The following DNAH11 variants were observed in gnomAD, a reference collection of about 807,000 sequenced individuals.
The protein encoded by DNAH11 is dynein axonemal heavy chain 11, also known as axonemal beta dynein heavy chain 11.
In DNAH11, 442 loss-of-function variants were observed where a neutral mutation model predicts 526.0. That is an observed-to-expected ratio of 0.84 (90% CI 0.78 to 0.91). DNAH11 has a LOEUF of 0.91. Ranked by LOEUF, DNAH11 falls within the 40% of genes least tolerant of loss-of-function variation. The pLI, the probability that DNAH11 is intolerant of heterozygous loss-of-function variation, is 0.00. For synonymous variants in DNAH11, 2,461 were observed against 1,935.9 expected (o/e 1.27, Z -7.12); for missense variants, 6,989 against 5,448.7 (o/e 1.28, Z -8.90).
intron 61 of DNAH11, among the ~76,000 whole-genome samples, chr7:21,793,138 A>T (rs1788548393): frequency 6.6e-6 from 1 of 152,236 alleles, no homozygotes; most frequent in Non-Finnish European, 1.5e-5. Context: ...CCAACTGATT[A>T]GGAACATGTT....
At chr7:21,840,076 G>A (rs1358572928) in intron 65 of DNAH11, among the ~76,000 whole-genome samples, 1 of 152,142 alleles carries the variant, frequency 6.6e-6, no homozygotes, top group African/African-American at 2.4e-5. Flanking sequence ...AGACACAAGA[G>A]ACCTAATCTC....
At chr7:21,581,359 A>C (rs1206017994) in intron 8 of DNAH11, among the ~76,000 whole-genome samples, 2 of 152,326 alleles carry the variant, frequency 1.3e-5, no homozygotes, top group East Asian at 3.9e-4. Flanking sequence ...AAACTGGGAA[A>C]ACGTAAGAGT....
chr7:21,667,986 G>T (rs1486683738), intron 30 of DNAH11, among the ~76,000 whole-genome samples: 2 of 152,094 alleles, frequency 1.3e-5, no homozygotes, highest in Non-Finnish European at 2.9e-5. Context: ...CATGGGAAAG[G>T]TAAACACCAT....
intron 9 of DNAH11, among the ~76,000 whole-genome samples, chr7:21,584,050 C>T (rs1209448422): frequency 6.6e-6 from 1 of 152,192 alleles, no homozygotes; most frequent in African/African-American, 2.4e-5. Flanking sequence ...ACCAGAAATA[C>T]CATTTGACCT....
chr7:21,887,214 T>C (rs1445564030), intron 76 of DNAH11, among the ~76,000 whole-genome samples: 1 of 152,200 alleles, frequency 6.6e-6, no homozygotes, highest in Non-Finnish European at 1.5e-5. Context: ...CAGTGATATC[T>C]TGCTGTTAGG....
intron 1 of DNAH11, 126 bp downstream of exon 1, chr7:21,543,722 T>G: frequency 1.9e-6 from 2 of 1,039,984 alleles, no homozygotes; most frequent in Non-Finnish European, 2.7e-6. Context: ...TGGCTTGAAG[T>G]CCCCATCCTG....
intron 28 of DNAH11, among the ~76,000 whole-genome samples, chr7:21,650,742 C>T (rs528914325): frequency 7.2e-5 from 11 of 151,738 alleles, no homozygotes; most frequent in Admixed American, 2.0e-4. Flanking sequence ...CGGGTTCAAG[C>T]GATTCTCCTG....
At position 21,606,483 on chromosome 7, in the gene DNAH11, G is replaced by C. The variant is rs777319170; in HGVS notation, c.3706G>C (p.Val1236Leu). Residue 1236 changes from valine to leucine, a missense_variant, in exon 19 of 82, where the codon GTC becomes CTC. Val to Leu is a conservative substitution (Grantham distance 32, BLOSUM62 1). Transcript: ENST00000409508. ...KKIAATVRHE[V>L]SPLHNAEVTL... ...GATCGCAGCAACTGTCAGACATGAA[G>C]TCTCACCTCTCCATAATGCGGAAGT... 7.4e-6 allele frequency: 12 copies of C among 1,611,194 alleles called. No homozygotes were observed. Among genetic ancestry groups the C allele is most frequent in the Non-Finnish European group, 1.0e-5 (12 of 1,179,340 alleles).
chr7:21,894,496 T>G, intron 77 of DNAH11, 127 bp from the exon 78 acceptor site: 2 of 943,992 alleles, frequency 2.1e-6, no homozygotes, highest in Non-Finnish European at 1.6e-6. Flanking sequence ...ATCCTTCACA[T>G]GCATTTGCAG....
Position 21,899,395 on chromosome 7 carries a change from T to C in DNAH11, c.13109T>C (p.Leu4370Pro). The change falls in exon 80 of 82, where the codon CTT (leucine) becomes CCT (proline). Residue 4370 changes from leucine (L) to proline (P), a missense_variant. By Grantham distance (98) the Leu-to-Pro change is moderately conservative. Coordinates refer to ENST00000409508, the MANE Select transcript of DNAH11 (RefSeq NM_001277115.2). ...ELDTWTQDLT[L>P]PAVVWLSGFF... ...GATACTTGGACACAAGACCTTACCCTTCCGGCTGTCGTGTGGCTCTCCGGC... is the reference window on the plus strand; with the variant it reads ...GATACTTGGACACAAGACCTTACCCCTCCGGCTGTCGTGTGGCTCTCCGGC... 1 of 1,613,982 alleles carries C rather than the reference T, an allele frequency of 6.2e-7. No homozygotes were observed. Among genetic ancestry groups the C allele is most frequent in the Non-Finnish European group, 8.5e-7 (1 of 1,179,854 alleles).
intron 54 of DNAH11, among the ~76,000 whole-genome samples, chr7:21,763,339 C>CAAAAAAA (rs1243002469): frequency 1.9e-4 from 2 of 10,682 alleles, no homozygotes; most frequent in African/African-American, 5.8e-4. Context: ...AAGACTGTCT[C>CAAAAAAA]AAAAAAAAAA....
At chr7:21,595,686 G>A (rs1041016526) in intron 14 of DNAH11, among the ~76,000 whole-genome samples, 1 of 152,160 alleles carries the variant, frequency 6.6e-6, no homozygotes, top group Non-Finnish European at 1.5e-5. Context: ...GAGGAGTTGA[G>A]TGGGCTATTG....
chr7:21,643,486 C>T (rs1233039542), intron 28 of DNAH11, among the ~76,000 whole-genome samples: 3 of 152,220 alleles, frequency 2.0e-5, no homozygotes, highest in Non-Finnish European at 4.4e-5. Context: ...GAAAGACTCA[C>T]TGTCAACGTG....
chr7:21,559,691 G>C lies in DNAH11; in HGVS notation c.781G>C (p.Asp261His). 1.2e-6 allele frequency: 2 copies of C among 1,611,406 alleles called. No individual in the cohort carries two copies. Among genetic ancestry groups the C allele is most frequent in the Middle Eastern group, 1.7e-4 (1 of 6,054 alleles). ...SHQIQEIIER[D>H]SVQRLLNGLH... Reference sequence around the variant, plus strand: ...TCAAATCCAAGAAATTATAGAAAGAGATTCAGTGCAGCGTTTGTTGAATGG... The same window carrying C: ...TCAAATCCAAGAAATTATAGAAAGACATTCAGTGCAGCGTTTGTTGAATGG... The change falls in exon 4 of 82, where the codon GAT (aspartate) becomes CAT (histidine). Residue 261 changes from aspartate to histidine, a missense_variant. Physicochemically the swap from Asp to His is moderately conservative, Grantham distance 81. Transcript: ENST00000409508.
At chr7:21,742,658 G>A (rs938226226) in intron 49 of DNAH11, among the ~76,000 whole-genome samples, 3 of 151,986 alleles carry the variant, frequency 2.0e-5, no homozygotes, top group Non-Finnish European at 4.4e-5. Context: ...TACTGTTAAC[G>A]GTGTTCCTTT....
At chr7:21,782,291 C>G (rs1225073968) in intron 57 of DNAH11, among the ~76,000 whole-genome samples, 1 of 152,232 alleles carries the variant, frequency 6.6e-6, no homozygotes, top group Non-Finnish European at 1.5e-5. Flanking sequence ...AGCACACTCT[C>G]TAGGCACTCC....
At chr7:21,623,942 G>A (rs992892260) in intron 25 of DNAH11, among the ~76,000 whole-genome samples, 2 of 150,764 alleles carry the variant, frequency 1.3e-5, no homozygotes, top group Non-Finnish European at 3.0e-5. Flanking sequence ...TTGTGCACAT[G>A]TACCCTAAAA....
chr7:21,562,017 TA>T (rs1783477548), intron 5 of DNAH11, among the ~76,000 whole-genome samples: 2 of 151,256 alleles, frequency 1.3e-5, no homozygotes, highest in Admixed American at 1.3e-4. Context: ...GGGCATAAGA[TA>T]AGGAGGAATA....
chr7:21,901,380 G>GCTATCCTTA lies in DNAH11; in HGVS notation c.*127_*135dup. 1 of 1,298,462 alleles carries GCTATCCTTA rather than the reference G, an allele frequency of 7.7e-7. No individual in the cohort carries two copies. Among genetic ancestry groups the GCTATCCTTA allele is most frequent in the Non-Finnish European group, 1.0e-6 (1 of 1,000,104 alleles). 80.4% of individuals were successfully genotyped at this position (1,298,462 alleles called of 1,614,324 possible). ...CTCACACGTGCATTCTTTTTTCAAC[G>GCTATCCTTA]CTATCCTTAGAGTGAAAGTCAGAAA... On this transcript the variant is annotated 3_prime_UTR_variant, in exon 82 of 82. Transcript: ENST00000409508.
Sources: gnomAD v4.1 joint callset for allele counts (sites outside exome capture counted in the v4.1 genomes callset) on GRCh38, gnomAD v4.1.1 for gene constraint, MANE v1.5 for transcripts, NCBI Gene and HGNC (gene_info 2026-07-23, HGNC 2026-07-21) for gene names.